ZNF202: variants seen among roughly 807,000 people sequenced by gnomAD.
The protein encoded by ZNF202 is zinc finger protein with KRAB and SCAN domains 10.
Under a neutral mutation model 54.5 loss-of-function variants are expected in ZNF202, and 22 were observed. The ratio of observed to expected loss-of-function variants is 0.40; its 90% CI spans 0.29 to 0.58. The LOEUF (loss-of-function observed/expected upper bound fraction) is 0.58, where lower values mean the gene tolerates loss of function less well. Ranked by LOEUF, ZNF202 falls within the 20% of genes least tolerant of loss-of-function variation. The pLI, the probability that ZNF202 is intolerant of heterozygous loss-of-function variation, is 0.39. For synonymous variants in ZNF202, 294 were observed against 301.4 expected (o/e 0.98, Z 0.26); for missense variants, 644 against 805.5 (o/e 0.80, Z 2.43).
intron 3 of ZNF202, among the ~76,000 whole-genome samples, chr11:123,739,717 T>C (rs1861783060): frequency 6.6e-6 from 1 of 152,214 alleles, no homozygotes. Context: ...ACAGAAGTAC[T>C]CAAACAAAGG....
intron 3 of ZNF202, among the ~76,000 whole-genome samples, chr11:123,731,644 C>A (rs148778610): frequency 6.6e-6 from 1 of 152,280 alleles, no homozygotes; most frequent in East Asian, 1.9e-4. Context: ...TAGGCAAGTT[C>A]TCATTCTCCT....
At chr11:123,728,105 AC>A in intron 7 of ZNF202, 27 bp downstream of exon 7, 1 of 1,595,772 alleles carries the variant, frequency 6.3e-7, no homozygotes, top group Non-Finnish European at 8.6e-7. Context: ...TGGGCTTAGA[AC>A]ACTCTAGAAT....
At chr11:123,727,445 G>A (rs1225663567) in intron 8 of ZNF202, 31 bp downstream of exon 8, 19 of 1,612,228 alleles carry the variant, frequency 1.2e-5, no homozygotes, top group Non-Finnish European at 1.6e-5. Flanking sequence ...GCTGGCTCAG[G>A]GTGGGTAACA....
intron 3 of ZNF202, chr11:123,738,737 A>G (rs1861735984): frequency 6.6e-6 from 1 of 152,244 alleles, no homozygotes; most frequent in African/African-American, 2.4e-5. Context: ...GTCATTTACT[A>G]TGTTTTTAGC....
chr11:123,725,781 G>A lies in ZNF202; in HGVS notation c.*216C>T. 5.3e-6 allele frequency: 3 copies of A among 570,162 alleles called. No individual in the cohort carries two copies. In the South Asian group the frequency reaches 7.7e-5, roughly 15 times the overall value. 35.3% of individuals were successfully genotyped at this position (570,162 alleles called of 1,614,324 possible). A position where few individuals can be genotyped will look rare whatever the true frequency, so the allele number is the denominator to read the frequency against. Reference sequence around the variant, plus strand: ...CAGTGAAGGAGAAGCCTCAATTCAGGTTGTACTTTGGATGAAACATCCCCT... The same window carrying A: ...CAGTGAAGGAGAAGCCTCAATTCAGATTGTACTTTGGATGAAACATCCCCT... On this transcript the variant is annotated 3_prime_UTR_variant, in exon 9 of 9. Coordinates refer to ENST00000530393, the MANE Select transcript of ZNF202 (RefSeq NM_003455.4).
rs375056728 is a variant in ZNF202, at chr11:123,726,885, A to C, written c.1059T>G (p.Asp353Glu). The C allele has an allele frequency of 2.5e-6, 4 of 1,614,196 alleles. No individual in the cohort carries two copies. The highest frequency in any genetic ancestry group is 4.5e-5 in the East Asian group (2 of 44,882). Residue 353 changes from aspartate (D) to glutamate (E), a missense_variant, in exon 9 of 9, where the codon GAT becomes GAG. Asp to Glu is a conservative substitution (Grantham distance 45). Transcript: ENST00000530393. This position sits in a 1 kb window ranked among gnomAD's most constrained non-coding sequence, Gnocchi z 6.0. ...LGEPEIHQTP[D>E]WEIVFEDNPG... ...GATTGTCCTCAAAGACTATTTCCCA[A>C]TCTGGAGTCTGGTGAATTTCTGGTT...
chr11:123,728,648 A>G (rs1861263183), intron 6 of ZNF202, among the ~76,000 whole-genome samples: 1 of 152,170 alleles, frequency 6.6e-6, no homozygotes, highest in African/African-American at 2.4e-5. Context: ...TCTATAGCCA[A>G]AACAAGACTT....
In ZNF202 at chr11:123,724,098, A is replaced by C. The variant is rs1176152204; in HGVS notation, c.*1899T>G. The stretch of plus-strand genomic sequence containing the variant: ...CAGGACAAGCTGTGCTTAGGCTTAG[A>C]TACTTGGTTTAGAAATGCCTGCTTA... On this transcript the variant is annotated 3_prime_UTR_variant, in exon 9 of 9. Coordinates refer to ENST00000530393, the MANE Select transcript of ZNF202 (RefSeq NM_003455.4). The C allele has an allele frequency of 6.6e-6, 1 of 152,200 alleles. No homozygotes were observed. Among genetic ancestry groups the C allele is most frequent in the East Asian group, 1.9e-4 (1 of 5,194 alleles). 9.4% of individuals were successfully genotyped at this position (152,200 alleles called of 1,614,324 possible). A position where few individuals can be genotyped will look rare whatever the true frequency, so the allele number is the denominator to read the frequency against.
At chr11:123,741,096 C>T (rs1861843738) in intron 1 of ZNF202, among the ~76,000 whole-genome samples, 1 of 151,524 alleles carries the variant, frequency 6.6e-6, no homozygotes, top group African/African-American at 2.4e-5. Flanking sequence ...TGGGGCTAGC[C>T]GGGGCAAGGA....
At chr11:123,738,343 A>T (rs1338658031) in intron 3 of ZNF202, among the ~76,000 whole-genome samples, 1 of 152,190 alleles carries the variant, frequency 6.6e-6, no homozygotes, top group African/African-American at 2.4e-5. Flanking sequence ...CCAGATTTAT[A>T]CACCTGGCCA....
chr11:123,740,086 T>C (rs1861799209), intron 3 of ZNF202, 31 bp downstream of exon 3: 1 of 152,032 alleles, frequency 6.6e-6, no homozygotes, highest in African/African-American at 2.4e-5. Context: ...CCAAATTTAC[T>C]GGGAAAAAAA....
chr11:123,726,023 T>C lies in ZNF202; in HGVS notation c.1921A>G (p.Arg641Gly). The C allele has an allele frequency of 6.2e-7, 1 of 1,613,748 alleles. No individual in the cohort carries two copies. The highest frequency in any genetic ancestry group is 8.5e-7 in the Non-Finnish European group (1 of 1,179,670). The change falls in exon 9 of 9, where the codon AGG becomes GGG. Residue 641 changes from arginine to glycine, a missense_variant. By Grantham distance (125) the Arg-to-Gly change is moderately radical (BLOSUM62 -2). Coordinates refer to ENST00000530393, the MANE Select transcript of ZNF202 (RefSeq NM_003455.4). The surrounding 1 kb of genome is among the most constrained non-coding windows in gnomAD (Gnocchi z 6.0). ...SRGYHLIRHQRTHSEKTS is the reference protein window; with the variant it reads ...SRGYHLIRHQGTHSEKTS Reference sequence around the variant, plus strand: ...TAGGAGGTCTTTTCTGAGTGGGTCCTCTGATGCCTAATTAAGTGATATCCT... The same window carrying C: ...TAGGAGGTCTTTTCTGAGTGGGTCCCCTGATGCCTAATTAAGTGATATCCT...
At chr11:123,739,672 A>AT (rs1416220062) in intron 3 of ZNF202, 2 of 152,222 alleles carry the variant, frequency 1.3e-5, no homozygotes, top group Non-Finnish European at 2.9e-5. Context: ...GACCTAAGTG[A>AT]TTATCTATAA....
At chr11:123,727,092 A>AT in intron 8 of ZNF202, 101 bp from the exon 9 acceptor site, 2 of 1,427,306 alleles carry the variant, frequency 1.4e-6, no homozygotes, top group Non-Finnish European at 1.9e-6. Flanking sequence ...TGGCAAGACT[A>AT]AATAGAATGC....
intron 3 of ZNF202, chr11:123,738,528 C>T (rs1591391099): frequency 7.4e-6 from 1 of 135,284 alleles, no homozygotes; most frequent in East Asian, 2.1e-4. Context: ...AAACCTGACA[C>T]CCATCCTGAT....
At position 123,724,976 on chromosome 11, in the gene ZNF202, G is replaced by A. The variant is rs1441399064; in HGVS notation, c.*1021C>T. 1 of 152,174 alleles carries A rather than the reference G, an allele frequency of 6.6e-6. No homozygotes were observed. Among genetic ancestry groups the A allele is most frequent in the African/African-American group, 2.4e-5 (1 of 41,446 alleles). 9.4% of individuals were successfully genotyped at this position (152,174 alleles called of 1,614,324 possible). A position where few individuals can be genotyped will look rare whatever the true frequency, so the allele number is the denominator to read the frequency against. On this transcript the variant is annotated 3_prime_UTR_variant, in exon 9 of 9. Coordinates refer to ENST00000530393, the MANE Select transcript of ZNF202 (RefSeq NM_003455.4). Reference sequence around the variant, plus strand: ...CCAGTTGTCTTCATGTAAATAAAGTGGCCCATGGCAATCATGATTCTGTAA... The same window carrying A: ...CCAGTTGTCTTCATGTAAATAAAGTAGCCCATGGCAATCATGATTCTGTAA...
At chr11:123,727,945 C>G (rs1861227998) in intron 7 of ZNF202, among the ~76,000 whole-genome samples, 188 bp downstream of exon 7, 1 of 152,178 alleles carries the variant, frequency 6.6e-6, no homozygotes, top group Non-Finnish European at 1.5e-5. Flanking sequence ...TTAGAGGTTT[C>G]CATTTCCATC....
At position 123,730,930 on chromosome 11, in the gene ZNF202, C is replaced by A. The variant is rs1290142209; in HGVS notation, c.-42G>T. On this transcript the variant is annotated 5_prime_UTR_variant, in exon 4 of 9. Coordinates refer to ENST00000530393, the MANE Select transcript of ZNF202 (RefSeq NM_003455.4). This position sits in a 1 kb window ranked among gnomAD's most constrained non-coding sequence, Gnocchi z 6.0. ...GGTCTCACACCATCTAGAGCTCACACTGTCATTAGCCCCCCGCCTCAGCCT... is the reference window on the plus strand; with the variant it reads ...GGTCTCACACCATCTAGAGCTCACAATGTCATTAGCCCCCCGCCTCAGCCT... 1.8e-5 allele frequency: 28 copies of A among 1,573,312 alleles called. No individual in the cohort carries two copies. Among genetic ancestry groups the A allele is most frequent in the Non-Finnish European group, 2.3e-5 (27 of 1,158,700 alleles).
intron 3 of ZNF202, among the ~76,000 whole-genome samples, chr11:123,737,771 G>A (rs867215556): frequency 6.6e-6 from 1 of 152,202 alleles, no homozygotes; most frequent in African/African-American, 2.4e-5. Context: ...GGTGACCTGT[G>A]TTCTGTCCAC....
Sources: allele counts gnomAD v4.1 joint callset (sites outside exome capture counted in the v4.1 genomes callset), GRCh38; gene constraint gnomAD v4.1.1; non-coding constraint Gnocchi (gnomAD v3.1); transcripts MANE v1.5; gene names NCBI Gene and HGNC (gene_info 2026-07-23, HGNC 2026-07-21).